Variants in UBAC2 observed in about 807,000 individuals in gnomAD.
UBAC2 encodes UBA domain containing 2.
Under a neutral mutation model 44.0 loss-of-function variants are expected in UBAC2, and 26 were observed. The observed-to-expected ratio is 0.59, with a 90% CI of 0.43 to 0.82. The LOEUF is 0.82. UBAC2 is among the 40% of genes least tolerant of loss of function. The pLI, the probability that UBAC2 is intolerant of heterozygous loss-of-function variation, is 0.00. For synonymous variants in UBAC2, 155 were observed against 154.3 expected, an observed-to-expected ratio of 1.00 and a Z score of -0.04; for missense variants, 329 against 419.4, an observed-to-expected ratio of 0.78 and a Z score of 1.88.
At chr13:99,246,515 C>A (rs746832986) in intron 4 of UBAC2, among the ~76,000 whole-genome samples, 1 of 152,116 alleles carries the variant, frequency 6.6e-6, no homozygotes, top group Non-Finnish European at 1.5e-5. Flanking sequence ...GTATGTGTGT[C>A]TGTGTTAGAA....
intron 1 of UBAC2, among the ~76,000 whole-genome samples, chr13:99,232,554 A>G (rs527877808): frequency 6.6e-6 from 1 of 152,018 alleles, no homozygotes; most frequent in East Asian, 1.9e-4. Flanking sequence ...AATTTTATGT[A>G]TAACCTAGGA....
intron 7 of UBAC2, among the ~76,000 whole-genome samples, chr13:99,363,332 A>T (rs1350127111): frequency 6.6e-6 from 1 of 152,248 alleles, no homozygotes; most frequent in East Asian, 1.9e-4. Flanking sequence ...AACTTCAAGT[A>T]GTCTAGTCCC....
intron 1 of UBAC2, among the ~76,000 whole-genome samples, chr13:99,210,909 G>A (rs752681136): frequency 1.3e-5 from 2 of 152,160 alleles, no homozygotes; most frequent in Admixed American, 1.3e-4. Context: ...ACCATGCTGG[G>A]CCCCGCTTTT....
chr13:99,242,795 G>GCGGTGGCTGCC (rs2043331256), intron 2 of UBAC2, among the ~76,000 whole-genome samples: 1 of 145,878 alleles, frequency 6.9e-6, no homozygotes, highest in Non-Finnish European at 1.5e-5. Context: ...CTTCCCAGAC[G>GCGGTGGCTGCC]GGGTGGCTGC....
chr13:99,207,641 A>G (rs2142645077), intron 1 of UBAC2, among the ~76,000 whole-genome samples: 1 of 152,262 alleles, frequency 6.6e-6, no homozygotes. Context: ...TTTGGTAGGG[A>G]GCCTTGGGCC....
chr13:99,320,950 T>C (rs2044559769), intron 6 of UBAC2, among the ~76,000 whole-genome samples: 1 of 152,314 alleles, frequency 6.6e-6, no homozygotes, highest in East Asian at 1.9e-4. Context: ...CTAAATAAAA[T>C]ACTAACAAAA....
rs538902501 is a variant in UBAC2, at chr13:99,385,169, G to T, written c.928-59G>T. 14 of 1,276,126 alleles carry T rather than the reference G, an allele frequency of 1.1e-5. No homozygotes were observed. The African/African-American group carries it at 1.5e-4, about 13-fold the overall frequency. 79.1% of individuals were successfully genotyped at this position (1,276,126 alleles called of 1,614,324 possible). A position where few individuals can be genotyped will look rare whatever the true frequency, so the allele number is the denominator to read the frequency against. On this transcript the variant is annotated intron_variant, in intron 8 of 8. Coordinates refer to ENST00000403766, the MANE Select transcript of UBAC2 (RefSeq NM_001144072.2). Reference sequence around the variant, plus strand: ...AAGGCTCACATGAAGAACATTTGGGGCCCAGGGATAAGCGGCAATGTCAGC... The same window carrying T: ...AAGGCTCACATGAAGAACATTTGGGTCCCAGGGATAAGCGGCAATGTCAGC...
At chr13:99,320,015 C>T (rs1485918456) in intron 6 of UBAC2, among the ~76,000 whole-genome samples, 1 of 152,142 alleles carries the variant, frequency 6.6e-6, no homozygotes, top group Non-Finnish European at 1.5e-5. Context: ...TTATTGTATA[C>T]GATTTCATTG....
At chr13:99,258,627 T>TA (rs2043610335) in intron 4 of UBAC2, 1 of 152,236 alleles carries the variant, frequency 6.6e-6, no homozygotes, top group African/African-American at 2.4e-5. Flanking sequence ...AAAGGGGGTT[T>TA]AAAGTCTAGC....
intron 1 of UBAC2, among the ~76,000 whole-genome samples, chr13:99,230,615 C>G (rs980419984): frequency 6.6e-6 from 1 of 152,196 alleles, no homozygotes; most frequent in African/African-American, 2.4e-5. Flanking sequence ...TCTGTTTCTT[C>G]GCCTTTTGTA....
chr13:99,222,774 A>G (rs753425256), intron 1 of UBAC2, among the ~76,000 whole-genome samples: 2 of 152,196 alleles, frequency 1.3e-5, no homozygotes, highest in Non-Finnish European at 2.9e-5. Context: ...AGAATTTTGC[A>G]TCTGTTAATA....
chr13:99,245,531 A>G (rs1178081814), intron 4 of UBAC2, among the ~76,000 whole-genome samples: 1 of 152,042 alleles, frequency 6.6e-6, no homozygotes, highest in Non-Finnish European at 1.5e-5. Flanking sequence ...AGTAGAGTTG[A>G]CAGAACGAGA....
At chr13:99,228,125 G>A (rs2043131602) in intron 1 of UBAC2, among the ~76,000 whole-genome samples, 1 of 152,126 alleles carries the variant, frequency 6.6e-6, no homozygotes, top group Non-Finnish European at 1.5e-5. Flanking sequence ...AGGACAGGTG[G>A]AAACCCAAGT....
chr13:99,275,969 T>C lies in UBAC2; in HGVS notation c.389+31345T>C, dbSNP rs569582507. 6.6e-5 allele frequency among the ~76,000 whole-genome samples: 10 copies of C among 152,322 alleles called. No individual in the cohort carries two copies. The South Asian group carries it at 2.1e-3, about 32-fold the overall frequency. ...ATCATACTCTCCACTCTAATACCTG[T>C]AGGGTGTAAGCCTGGGAGTCTTAAC... On this transcript the variant is annotated intron_variant, in intron 4 of 8. Coordinates refer to ENST00000403766, the MANE Select transcript of UBAC2 (RefSeq NM_001144072.2).
rs1378512215 is a variant in UBAC2 at position 99,367,824 on chromosome 13, T to G, written c.845T>G (p.Leu282Ter). The change falls in exon 8 of 9, where the codon TTA becomes TGA. Residue 282 changes from leucine to a stop codon, truncating the protein, a stop_gained. Transcript: ENST00000403766. LOFTEE classifies it high-confidence loss of function. Reference sequence around the variant, plus strand: ...AATTGGAATCGTCTTTTTCCTCCTTTACGTCAGCGACAAAACGTAAACTAT... The same window carrying G: ...AATTGGAATCGTCTTTTTCCTCCTTGACGTCAGCGACAAAACGTAAACTAT... The part of the protein sequence containing the change: ...MINWNRLFPP[L>*]RQRQNVNYQG... The G allele has an allele frequency of 6.2e-7, 1 of 1,614,012 alleles. No individual in the cohort carries two copies.
intron 4 of UBAC2, among the ~76,000 whole-genome samples, chr13:99,309,178 T>G (rs2044378996): frequency 6.6e-6 from 1 of 152,026 alleles, no homozygotes; most frequent in African/African-American, 2.4e-5. Flanking sequence ...GGGTGTGCTG[T>G]CGGCTCACTG....
chr13:99,205,076 G>GT (rs2042853477), intron 1 of UBAC2, among the ~76,000 whole-genome samples: 1 of 152,034 alleles, frequency 6.6e-6, no homozygotes, highest in African/African-American at 2.4e-5. Flanking sequence ...GCTAATTTTT[G>GT]TATTTTTGCT....
intron 1 of UBAC2, among the ~76,000 whole-genome samples, chr13:99,221,923 C>T (rs375078561): frequency 1.2e-4 from 18 of 152,166 alleles, no homozygotes; most frequent in Admixed American, 4.6e-4. Flanking sequence ...AGAGGAACCC[C>T]GGCTAAGACA....
At chr13:99,250,292 C>T (rs146444449) in intron 4 of UBAC2, among the ~76,000 whole-genome samples, 1 of 152,286 alleles carries the variant, frequency 6.6e-6, no homozygotes, top group African/African-American at 2.4e-5. Context: ...AGCCAGCTAT[C>T]CTAGCACCAT....
Sources: gnomAD v4.1 joint callset for allele counts (sites outside exome capture counted in the v4.1 genomes callset) on GRCh38, gnomAD v4.1.1 for gene constraint, MANE v1.5 for transcripts, NCBI Gene and HGNC (gene_info 2026-07-23, HGNC 2026-07-21) for gene names.